Variants in PLXNB2 observed in about 807,000 individuals in gnomAD.
The protein encoded by PLXNB2 is plexin B2, also known as plexin-B2.
A neutral mutation model predicts 202.6 loss-of-function variants in PLXNB2; 85 were observed. The ratio of observed to expected loss-of-function variants is 0.42; its 90% CI spans 0.35 to 0.50. The LOEUF (loss-of-function observed/expected upper bound fraction) is 0.50. PLXNB2 is among the 20% of genes least tolerant of loss of function. PLXNB2 has a pLI of 0.02. For synonymous variants in PLXNB2, 1,239 were observed against 1,137.6 expected (o/e 1.09, Z -1.79); for missense variants, 2,063 against 2,586.2 (o/e 0.80, Z 4.39).
chr22:50,283,202 G>T lies in PLXNB2; in HGVS notation c.2680-16C>A. Reference sequence around the variant, plus strand: ...GCTTGGGCTGCTGAAAGAGCCGCAGGGGCACTCGGGTGAGGACGGGGCACA... The same window carrying T: ...GCTTGGGCTGCTGAAAGAGCCGCAGTGGCACTCGGGTGAGGACGGGGCACA... On this transcript the variant is annotated splice_polypyrimidine_tract_variant and intron_variant, in intron 16 of 36. Transcript: ENST00000359337. The T allele has an allele frequency of 1.3e-6, 2 of 1,599,666 alleles. No individual in the cohort carries two copies. The highest frequency in any genetic ancestry group is 2.3e-5 in the East Asian group (1 of 44,178).
Position 50,281,552 on chromosome 22 carries a change from C to T in PLXNB2, c.3522+14G>A. ...TCCCGTGGGGGCACCCCCCGCCAGT[C>T]CCCGCTCACGCACAATGAACTCGGG... On this transcript the variant is annotated intron_variant, in intron 21 of 36. Coordinates refer to ENST00000359337, the MANE Select transcript of PLXNB2 (RefSeq NM_012401.4). 2 of 1,609,620 alleles carry T rather than the reference C, an allele frequency of 1.2e-6. No individual in the cohort carries two copies. The highest frequency in any genetic ancestry group is 8.5e-7 in the Non-Finnish European group (1 of 1,177,912).
intron 1 of PLXNB2, among the ~76,000 whole-genome samples, chr22:50,307,144 G>A (rs1266605037): frequency 6.6e-6 from 1 of 152,166 alleles, no homozygotes; most frequent in Non-Finnish European, 1.5e-5. Flanking sequence ...TGCGGGGACG[G>A]CCCCCGGGAG....
intron 2 of PLXNB2, among the ~76,000 whole-genome samples, chr22:50,292,190 T>C (rs1214992843): frequency 6.6e-6 from 1 of 151,588 alleles, no homozygotes; most frequent in Non-Finnish European, 1.5e-5. Context: ...ACAAAAAAAT[T>C]AGCCAAGCGT....
At position 50,276,842 on chromosome 22, in the gene PLXNB2, T is replaced by C. The variant is rs201613066; in HGVS notation, c.5261A>G (p.Asp1754Gly). The C allele has an allele frequency of 6.5e-5, 104 of 1,606,596 alleles. No individual in the cohort carries two copies. The African/African-American group carries it at 1.2e-3, about 18-fold the overall frequency. ...TGGCCTGGAGGGCAGGCAGACTTACTCCTCCACCATCTTCTTGTAGGTGGA... is the reference window on the plus strand; with the variant it reads ...TGGCCTGGAGGGCAGGCAGACTTACCCCTCCACCATCTTCTTGTAGGTGGA... ...EISTYKKMVE[D>G]YYKGIRQMVQ... The change falls in exon 34 of 37, where the codon GAT becomes GGT. Residue 1754 changes from aspartate to glycine, a missense_variant and splice_region_variant. By Grantham distance (94) the Asp-to-Gly change is moderately conservative. Coordinates refer to ENST00000359337, the MANE Select transcript of PLXNB2 (RefSeq NM_012401.4).
At position 50,282,244 on chromosome 22, in the gene PLXNB2, G is replaced by A. The variant is rs766832996; in HGVS notation, c.3057C>T (p.Ile1019=). The A allele has an allele frequency of 2.2e-5, 35 of 1,612,238 alleles. No homozygotes were observed. The highest frequency in any genetic ancestry group is 2.3e-5 in the Non-Finnish European group (27 of 1,179,840). Residue 1019 remains isoleucine (I), a synonymous_variant, in exon 19 of 37, where the codon ATC becomes ATT. Transcript: ENST00000359337. ...GCTGCCAGGACTGCAGGGGCTCCGC[G>A]ATGACCACCATGGCAAACCTCTGGA... The part of the protein sequence containing the change: ...SLIQRFAMVV[I]AEPLQSWQPP...
At chr22:50,294,839 A>C in intron 1 of PLXNB2, 61 bp from the exon 2 acceptor site, 1 of 844,934 alleles carries the variant, frequency 1.2e-6, no homozygotes, top group Non-Finnish European at 1.4e-6. Flanking sequence ...GGAGCCCCCC[A>C]CCTCTGTCCC....
At chr22:50,294,832 GC>G (rs1330768504) in intron 1 of PLXNB2, 54 bp from the exon 2 acceptor site, 38 of 881,324 alleles carry the variant, frequency 4.3e-5, no homozygotes, top group Non-Finnish European at 5.2e-5. Flanking sequence ...CTGCTGTGGA[GC>G]CCCCCACCTC....
chr22:50,279,642 C>T lies in PLXNB2; in HGVS notation c.4377G>A (p.Glu1459=). 3 of 1,613,832 alleles carry T rather than the reference C, an allele frequency of 1.9e-6. No individual in the cohort carries two copies. The highest frequency in any genetic ancestry group is 2.5e-6 in the Non-Finnish European group (3 of 1,179,954). Residue 1459 remains glutamate, a synonymous_variant, in exon 27 of 37, where the codon GAG becomes GAA. Coordinates refer to ENST00000359337, the MANE Select transcript of PLXNB2 (RefSeq NM_012401.4). ...NDTGLLGDDV[E]YAPLTVSVIV... The stretch of plus-strand genomic sequence containing the variant: ...CCCAGAAGCTCACCAGGGGTGCGTA[C>T]TCCACATCATCCCCCAGCAGCCCCG...
intron 1 of PLXNB2, among the ~76,000 whole-genome samples, chr22:50,300,017 C>T (rs2067575079): frequency 6.6e-6 from 1 of 152,082 alleles, no homozygotes; most frequent in Non-Finnish European, 1.5e-5. Flanking sequence ...GGACTAGGCC[C>T]GCGCCTCCTC....
intron 2 of PLXNB2, among the ~76,000 whole-genome samples, chr22:50,293,817 G>T (rs1036945083): frequency 2.6e-5 from 4 of 152,184 alleles, no homozygotes. Flanking sequence ...GGCTGTAGGG[G>T]CCCCGGTACA....
chr22:50,284,260 G>A lies in PLXNB2; in HGVS notation c.2182-47C>T, dbSNP rs1351228473. On this transcript the variant is annotated intron_variant, in intron 12 of 36. Transcript: ENST00000359337. The surrounding 1 kb of genome is among the most constrained non-coding windows in gnomAD (Gnocchi z 8.0). ...ACTGCACTTCCTGCCCCCACAGAGGGGCGTGGGGCGGGGGTCACAAGGGCA... is the reference window on the plus strand; with the variant it reads ...ACTGCACTTCCTGCCCCCACAGAGGAGCGTGGGGCGGGGGTCACAAGGGCA... The A allele has an allele frequency of 3.2e-6, 5 of 1,559,256 alleles. No individual in the cohort carries two copies. The South Asian group carries it at 4.4e-5, about 14-fold the overall frequency.
Position 50,284,141 on chromosome 22 carries a change from T to C in PLXNB2, c.2254A>G (p.Lys752Glu). The change falls in exon 13 of 37, where the codon AAG becomes GAG. Residue 752 changes from lysine (K) to glutamate (E), a missense_variant. Transcript: ENST00000359337. The surrounding 1 kb of genome is among the most constrained non-coding windows in gnomAD (Gnocchi z 8.0). ...VKSYGKNIDS[K>E]LHVTLYNCSF... Reference sequence around the variant, plus strand: ...CGCCCGTGGCCCCCACCATGGAGCTTGCTGTCGATATTCTTGCCGTAAGAC... The same window carrying C: ...CGCCCGTGGCCCCCACCATGGAGCTCGCTGTCGATATTCTTGCCGTAAGAC... The C allele has an allele frequency of 6.2e-7, 1 of 1,611,530 alleles. No homozygotes were observed. Among genetic ancestry groups the C allele is most frequent in the Non-Finnish European group, 8.5e-7 (1 of 1,179,488 alleles).
chr22:50,293,379 C>T (rs28396846), intron 2 of PLXNB2, among the ~76,000 whole-genome samples: 31,836 of 152,220 alleles, frequency 0.21, 4,016 homozygotes, highest in Non-Finnish European at 0.29. Context: ...CCTCCCCTAC[C>T]CACAGCCACC....
Position 50,289,529 on chromosome 22 carries a change from G to T in PLXNB2, c.1056C>A (p.Gly352=). ...CTGAGGCCCATACCGGCGCGTGGCC[G>T]CCGCACTGGATATCGCCGTGGAAGG... is the stretch of plus-strand genomic sequence containing the variant. The part of the protein sequence containing the change: ...YKPFHGDIQC[G]GHAPGSSKSF... Residue 352 remains glycine, a synonymous_variant, in exon 3 of 37, where the codon GGC becomes GGA. Coordinates refer to ENST00000359337, the MANE Select transcript of PLXNB2 (RefSeq NM_012401.4). The surrounding 1 kb of genome is among the most constrained non-coding windows in gnomAD (Gnocchi z 8.0). 6.2e-7 allele frequency: 1 copy of T among 1,609,386 alleles called. No individual in the cohort carries two copies. The highest frequency in any genetic ancestry group is 8.5e-7 in the Non-Finnish European group (1 of 1,178,102).
At chr22:50,279,956 G>A (rs2065873974) in intron 26 of PLXNB2, 49 bp downstream of exon 26, 1 of 1,476,470 alleles carries the variant, frequency 6.8e-7, no homozygotes, top group Non-Finnish European at 9.3e-7. Context: ...GGGGATGGCA[G>A]CAGTCTGCCT....
rs1268037076 is a variant in PLXNB2 at position 50,284,098 on chromosome 22, C to T, written c.2263+34G>A. 2 of 1,596,682 alleles carry T rather than the reference C, an allele frequency of 1.3e-6. No individual in the cohort carries two copies. Among genetic ancestry groups the T allele is most frequent in the Admixed American group, 1.7e-5 (1 of 59,534 alleles). ...CCCACCGCCTTGTGCCCACCCGTCC[C>T]CTGCCCGCCCCCCACTGCGCCCGTG... On this transcript the variant is annotated intron_variant, in intron 13 of 36. Coordinates refer to ENST00000359337, the MANE Select transcript of PLXNB2 (RefSeq NM_012401.4). This position sits in a 1 kb window ranked among gnomAD's most constrained non-coding sequence, Gnocchi z 8.0.
intron 11 of PLXNB2, among the ~76,000 whole-genome samples, chr22:50,285,122 C>T (rs936580240): frequency 6.6e-6 from 1 of 152,076 alleles, no homozygotes; most frequent in African/African-American, 2.4e-5. Flanking sequence ...TCGGGGGGCA[C>T]GGGTGGAGCT....
rs778239432 is a variant in PLXNB2 at position 50,286,258 on chromosome 22, G to A, written c.1792C>T (p.Leu598Phe). 3.0e-5 allele frequency: 49 copies of A among 1,613,102 alleles called. No individual in the cohort carries two copies. Among genetic ancestry groups the A allele is most frequent in the Non-Finnish European group, 4.2e-5 (49 of 1,179,860 alleles). The stretch of plus-strand genomic sequence containing the variant: ...GTGAGGAAGATGTTGCCTCGTCTAA[G>A]GAGGAGCTGGATGGTCACGGCCACG... The part of the protein sequence containing the change: ...DHVAVTIQLL[L>F]RRGNIFLTSY... The change falls in exon 9 of 37, where the codon CTT becomes TTT. Residue 598 changes from leucine (L) to phenylalanine (F), a missense_variant. Leu to Phe is a conservative substitution (Grantham distance 22, BLOSUM62 0). Transcript: ENST00000359337.
In PLXNB2 at chr22:50,289,489, C is replaced by T. The variant is rs775271295; in HGVS notation, c.1068+28G>A. ...CACGAACGGACGCCTGCAGTCCGGG[C>T]CCTGCGAGAACACACTGAGGCCCAT... On this transcript the variant is annotated intron_variant, in intron 3 of 36. Transcript: ENST00000359337. This position sits in a 1 kb window ranked among gnomAD's most constrained non-coding sequence, Gnocchi z 8.0. 2 of 1,568,030 alleles carry T rather than the reference C, an allele frequency of 1.3e-6. No individual in the cohort carries two copies. The highest frequency in any genetic ancestry group is 8.7e-7 in the Non-Finnish European group (1 of 1,155,298).
Sources: gnomAD v4.1 joint callset for allele counts (sites outside exome capture counted in the v4.1 genomes callset) on GRCh38, gnomAD v4.1.1 for gene constraint, Gnocchi (gnomAD v3.1) non-coding constraint, MANE v1.5 for transcripts, NCBI Gene and HGNC (gene_info 2026-07-23, HGNC 2026-07-21) for gene names.